Variants in PARD3B observed in about 807,000 individuals in gnomAD.
PARD3B encodes par-3 family cell polarity regulator beta, also known as partitioning defective 3 homolog B.
PARD3B carries 103 observed loss-of-function variants against 130.2 expected under a neutral mutation model. That is an observed-to-expected ratio of 0.79 (90% CI 0.67 to 0.93). PARD3B has a LOEUF of 0.93. Ranked by LOEUF, PARD3B falls within the 40% of genes least tolerant of loss-of-function variation. The pLI is 0.00. For missense variants in PARD3B, 1,609 were observed against 1,499.2 expected (o/e 1.07, Z -1.21); for synonymous variants, 583 against 553.2 (o/e 1.05, Z -0.76).
intron 2 of PARD3B, among the ~76,000 whole-genome samples, chr2:204,780,276 T>A (rs748009399): frequency 6.6e-6 from 1 of 152,126 alleles, no homozygotes; most frequent in Non-Finnish European, 1.5e-5. Flanking sequence ...AGTGTATGTG[T>A]TTCAGACAGT....
At chr2:204,979,518 G>A (rs1479320732) in intron 3 of PARD3B, among the ~76,000 whole-genome samples, 1 of 152,088 alleles carries the variant, frequency 6.6e-6, no homozygotes, top group African/African-American at 2.4e-5. Flanking sequence ...TTATATTCAG[G>A]AATATGAATG....
chr2:205,503,435 A>AT (rs1252314175), intron 21 of PARD3B, among the ~76,000 whole-genome samples: 4 of 147,068 alleles, frequency 2.7e-5, no homozygotes, highest in African/African-American at 1.0e-4. Context: ...AATTTGTTGG[A>AT]TTTTTTTCCC....
chr2:204,797,530 A>G (rs1177795273), intron 2 of PARD3B, among the ~76,000 whole-genome samples: 1 of 152,192 alleles, frequency 6.6e-6, no homozygotes, highest in Non-Finnish European at 1.5e-5. Context: ...TAAAGTGCAT[A>G]TTGCACCAGG....
chr2:204,783,957 T>C (rs997012389), intron 2 of PARD3B, among the ~76,000 whole-genome samples: 1 of 152,182 alleles, frequency 6.6e-6, no homozygotes, highest in African/African-American at 2.4e-5. Context: ...ATTCATTCTT[T>C]ACCTATTGTA....
At position 204,678,243 on chromosome 2, in the gene PARD3B, A is replaced by G. The variant is rs147139739; in HGVS notation, c.121-7938A>G. Among the ~76,000 whole-genome samples, 1,350 of 152,266 alleles carry G rather than the reference A, an allele frequency of 8.9e-3. 14 individuals are homozygous for G. The highest frequency in any genetic ancestry group is 0.014 in the Non-Finnish European group (972 of 68,010). ...TTTAGGTGCTGGCAGGACCAAACCC[A>G]GTAACCGGGCCCGTGGTAGCAATCA... On this transcript the variant is annotated intron_variant, in intron 1 of 22. Transcript: ENST00000406610. The surrounding 1 kb of genome is among the most constrained non-coding windows in gnomAD (Gnocchi z 4.2).
At chr2:204,946,308 G>A (rs954975356) in intron 2 of PARD3B, among the ~76,000 whole-genome samples, 1 of 152,142 alleles carries the variant, frequency 6.6e-6, no homozygotes, top group Non-Finnish European at 1.5e-5. Flanking sequence ...TTCTCATCCA[G>A]CATTACTAAA....
intron 2 of PARD3B, among the ~76,000 whole-genome samples, chr2:204,757,408 A>G (rs1168790478): frequency 6.6e-6 from 1 of 152,120 alleles, no homozygotes; most frequent in African/African-American, 2.4e-5. Flanking sequence ...TTTCCTCCAC[A>G]ACCTTGCCAA....
intron 15 of PARD3B, among the ~76,000 whole-genome samples, chr2:205,245,156 C>T (rs1366587249): frequency 6.6e-6 from 1 of 152,172 alleles, no homozygotes; most frequent in Non-Finnish European, 1.5e-5. Context: ...GTTGGCTTTC[C>T]CGCACGGCTG....
chr2:204,991,227 T>A, intron 3 of PARD3B, among the ~76,000 whole-genome samples: 1 of 65,860 alleles, frequency 1.5e-5, no homozygotes, highest in East Asian at 4.9e-4. Context: ...CCCTCCCCCC[T>A]CCCCCCAACC....
intron 3 of PARD3B, among the ~76,000 whole-genome samples, chr2:204,970,572 A>G (rs946162310): frequency 2.0e-5 from 3 of 152,078 alleles, no homozygotes; most frequent in Admixed American, 1.3e-4. Context: ...GCCTCTGCCA[A>G]TTTCCCTGCT....
chr2:205,034,120 A>G (rs192225611), intron 3 of PARD3B, among the ~76,000 whole-genome samples: 2 of 152,306 alleles, frequency 1.3e-5, no homozygotes, highest in African/African-American at 4.8e-5. Context: ...TACCCTTTTC[A>G]TGACCTCCAA....
chr2:204,546,009 A>G lies in PARD3B; in HGVS notation c.10A>G (p.Thr4Ala). The G allele has an allele frequency of 1.3e-6, 2 of 1,567,600 alleles. No homozygotes were observed. The highest frequency in any genetic ancestry group is 2.3e-5 in the South Asian group (2 of 85,880). MKV[T>A]VCFGRTGIVV... ...GTCGCCGGGGGCCAGGATGAAAGTG[A>G]CCGTGTGCTTCGGCAGGACGGGCAT... Residue 4 changes from threonine (T) to alanine (A), a missense_variant, in exon 1 of 23, where the codon ACC becomes GCC. Transcript: ENST00000406610.
At chr2:205,043,188 A>T (rs1436667193) in intron 3 of PARD3B, among the ~76,000 whole-genome samples, 1 of 152,002 alleles carries the variant, frequency 6.6e-6, no homozygotes, top group Non-Finnish European at 1.5e-5. Flanking sequence ...GCAAGGTTAG[A>T]TTTTATTATT....
chr2:205,132,091 T>C (rs1426945110), intron 10 of PARD3B, among the ~76,000 whole-genome samples: 1 of 152,188 alleles, frequency 6.6e-6, no homozygotes, highest in East Asian at 1.9e-4. Flanking sequence ...AATGCTTACA[T>C]TGGGCCACAG....
chr2:205,197,030 GGGGTGTGT>G (rs1157754813), intron 15 of PARD3B, among the ~76,000 whole-genome samples: 2 of 17,074 alleles, frequency 1.2e-4, no homozygotes, highest in Non-Finnish European at 2.1e-4. Context: ...CTGTGGGGGG[GGGGTGTGT>G]GTGTGTGTGT....
At chr2:205,510,496 T>A (rs1315482743) in intron 21 of PARD3B, among the ~76,000 whole-genome samples, 2 of 152,192 alleles carry the variant, frequency 1.3e-5, no homozygotes, top group Non-Finnish European at 2.9e-5. Context: ...AGCTTGGTCA[T>A]CAGGCACTTT....
intron 2 of PARD3B, among the ~76,000 whole-genome samples, chr2:204,945,992 A>C (rs991052408): frequency 6.6e-6 from 1 of 152,192 alleles, no homozygotes; most frequent in African/African-American, 2.4e-5. Context: ...TTGTCCAGTG[A>C]AATCACACTA....
intron 2 of PARD3B, among the ~76,000 whole-genome samples, chr2:204,772,636 T>C (rs534703561): frequency 1.3e-5 from 2 of 152,264 alleles, no homozygotes; most frequent in East Asian, 3.9e-4. Flanking sequence ...CAGTAACAGA[T>C]AGGATTTAGG....
intron 2 of PARD3B, among the ~76,000 whole-genome samples, chr2:204,769,522 G>T (rs2041272349): frequency 6.3e-5 from 2 of 31,928 alleles, no homozygotes; most frequent in Non-Finnish European, 9.4e-5. Flanking sequence ...CTCATAAAAT[G>T]AGTTAGGGAG....
Sources: allele counts gnomAD v4.1 joint callset (sites outside exome capture counted in the v4.1 genomes callset), GRCh38; gene constraint gnomAD v4.1.1; non-coding constraint Gnocchi (gnomAD v3.1); transcripts MANE v1.5; gene names NCBI Gene and HGNC (gene_info 2026-07-23, HGNC 2026-07-21).